Variants in ZCCHC12 observed in about 807,000 individuals in gnomAD.
ZCCHC12 encodes zinc finger CCHC-type containing 12.
For synonymous variants in ZCCHC12, 128 were observed against 123.2 expected (o/e 1.04, Z -0.26); for missense variants, 317 against 323.4 (o/e 0.98, Z 0.15).
Position 118,826,771 on chromosome X carries a change from A to G in ZCCHC12, c.*318A>G. The G allele has an allele frequency of 9.7e-6, 3 of 309,090 alleles. No individual in the cohort carries two copies. In the South Asian group the frequency reaches 1.5e-4, roughly 15 times the overall value. The allele number at this position is 309,090 out of a possible 1,213,427, so 25.5% of individuals were successfully genotyped here. On this transcript the variant is annotated 3_prime_UTR_variant, in exon 4 of 4. Transcript: ENST00000310164. ...ACAATAAAAAAGGTACAAAAAGTGA[A>G]GTACAAATTACCCAAATCTCTCCAC...
Position 118,825,832 on chromosome X carries a change from C to T in ZCCHC12, c.588C>T (p.Leu196=), listed in dbSNP as rs757525974. 8.3e-6 allele frequency: 10 copies of T among 1,209,759 alleles called. No individual in the cohort carries two copies. In the African/African-American group the frequency reaches 1.8e-4, roughly 21 times the overall value. Residue 196 remains leucine (L), a synonymous_variant, in exon 4 of 4, where the codon CTC becomes CTT. Coordinates refer to ENST00000310164, the MANE Select transcript of ZCCHC12 (RefSeq NM_173798.4). ...TCCGACTCAGACTTAAGGATTTTCT[C>T]AGGATGTATGCAAATGAGCAGGAGC... ...RDLRLRLKDF[L]RMYANEQERL...
Position 118,825,211 on chromosome X carries a change from C to A in ZCCHC12, c.-34C>A. The stretch of plus-strand genomic sequence containing the variant: ...AAGCTTTTCTAAAAAGCCTAGGCAT[C>A]TTCTTATATTCAGATACCCTATCGT... On this transcript the variant is annotated 5_prime_UTR_variant, in exon 4 of 4. Coordinates refer to ENST00000310164, the MANE Select transcript of ZCCHC12 (RefSeq NM_173798.4). 1 of 1,211,711 alleles carries A rather than the reference C, an allele frequency of 8.3e-7. No individual in the cohort carries two copies. The highest frequency in any genetic ancestry group is 1.8e-5 in the South Asian group (1 of 56,993).
At position 118,826,129 on chromosome X, in the gene ZCCHC12, CAG is replaced by C. The variant is rs1450733019; in HGVS notation, c.889_890del (p.Asp297GlnfsTer7). On this transcript the variant is annotated frameshift_variant, in exon 4 of 4. Coordinates refer to ENST00000310164, the MANE Select transcript of ZCCHC12 (RefSeq NM_173798.4). LOFTEE classifies it low-confidence loss of function (END_TRUNC). Reference protein sequence around the residue: ...PLPSWGAPPLRDRARPQDEVL... With the variant: ...PLPSWGAPPLXDRARPQDEVL... ...TTCCATCCTGGGGTGCCCCTCCCCT[CAG>C]AGACAGGGCCAGACCTCAGGATGAA... The C allele has an allele frequency of 8.3e-7, 1 of 1,209,592 alleles. No homozygotes were observed. Among genetic ancestry groups the C allele is most frequent in the Non-Finnish European group, 1.1e-6 (1 of 895,110 alleles).
rs967018759 is a variant in ZCCHC12, at chrX:118,826,903, A to G, written c.*450A>G. 1.3e-5 allele frequency: 2 copies of G among 152,871 alleles called. No individual in the cohort carries two copies. Among genetic ancestry groups the G allele is most frequent in the Non-Finnish European group, 2.8e-5 (2 of 72,033 alleles). 12.6% of individuals were successfully genotyped at this position (152,871 alleles called of 1,213,427 possible). On this transcript the variant is annotated 3_prime_UTR_variant, in exon 4 of 4. Coordinates refer to ENST00000310164, the MANE Select transcript of ZCCHC12 (RefSeq NM_173798.4). ...AGTGATGAAATATAAGTGCTGTTCTATCTGTATTTTTTCACCAAACAATAT... is the reference window on the plus strand; with the variant it reads ...AGTGATGAAATATAAGTGCTGTTCTGTCTGTATTTTTTCACCAAACAATAT...
In ZCCHC12 at chrX:118,826,438, C is replaced by T. The variant is rs747650057; in HGVS notation, c.1194C>T (p.Phe398=). The T allele has an allele frequency of 8.3e-6, 10 of 1,208,049 alleles. No homozygotes were observed. In the African/African-American group the frequency reaches 1.8e-4, roughly 21 times the overall value. ...TGGCCCCTGGCGAATACAATGACTT[C>T]TCTGAGCCACTGTAAGGGACCACCC... ...SRVAPGEYND[F]SEPL The change falls in exon 4 of 4, where the codon TTC becomes TTT. Residue 398 remains phenylalanine (F), a synonymous_variant. Transcript: ENST00000310164.
rs191262842 is a variant in ZCCHC12 at position 118,826,664 on chromosome X, C to A, written c.*211C>A. 2.9e-4 allele frequency: 137 copies of A among 472,867 alleles called. No individual in the cohort carries two copies. The highest frequency in any genetic ancestry group is 3.6e-4 in the Non-Finnish European group (98 of 274,548). The allele number at this position is 472,867 out of a possible 1,213,427, so 39.0% of individuals were successfully genotyped here. A position where few individuals can be genotyped will look rare whatever the true frequency, so the allele number is the denominator to read the frequency against. On this transcript the variant is annotated 3_prime_UTR_variant, in exon 4 of 4. Transcript: ENST00000310164. ...CCTTGCTCCTTCTCCCTGCAGCCTA[C>A]GGGTCTGTTTTCTGTGTGTGCCCAT...
chrX:118,826,857 ATAGATATAT>A lies in ZCCHC12; in HGVS notation c.*405_*413del, dbSNP rs1265177238. On this transcript the variant is annotated 3_prime_UTR_variant, in exon 4 of 4. Transcript: ENST00000310164. Reference sequence around the variant, plus strand: ...TATTTCCCTATACCTATGTACCCAGATAGATATATGCATAGATAAAAGTGATGAAATATA... The same window carrying A: ...TATTTCCCTATACCTATGTACCCAGAGCATAGATAAAAGTGATGAAATATA... The A allele has an allele frequency of 9.7e-6, 2 of 205,741 alleles. No individual in the cohort carries two copies. Among genetic ancestry groups the A allele is most frequent in the Non-Finnish European group, 1.9e-5 (2 of 106,555 alleles). 17.0% of individuals were successfully genotyped at this position (205,741 alleles called of 1,213,427 possible).
In ZCCHC12 at chrX:118,825,505, G is replaced by T; in HGVS notation, c.261G>T (p.Met87Ile). The T allele has an allele frequency of 8.3e-7, 1 of 1,212,063 alleles. No homozygotes were observed. Among genetic ancestry groups the T allele is most frequent in the African/African-American group, 1.7e-5 (1 of 57,825 alleles). Residue 87 changes from methionine (M) to isoleucine (I), a missense_variant, in exon 4 of 4, where the codon ATG becomes ATT. By Grantham distance (10) the Met-to-Ile change is conservative (BLOSUM62 1). Coordinates refer to ENST00000310164, the MANE Select transcript of ZCCHC12 (RefSeq NM_173798.4). ...MSEEEKLKRL[M>I]KTLRGPAREV... Reference sequence around the variant, plus strand: ...AGGAGGAAAAGCTCAAGCGCTTGATGAAAACCCTTAGGGGCCCTGCCCGCG... The same window carrying T: ...AGGAGGAAAAGCTCAAGCGCTTGATTAAAACCCTTAGGGGCCCTGCCCGCG...
At position 118,826,223 on chromosome X, in the gene ZCCHC12, T is replaced by C; in HGVS notation, c.979T>C (p.Tyr327His). The C allele has an allele frequency of 8.3e-7, 1 of 1,211,642 alleles. No individual in the cohort carries two copies. Among genetic ancestry groups the C allele is most frequent in the Non-Finnish European group, 1.1e-6 (1 of 895,511 alleles). Reference sequence around the variant, plus strand: ...TCCTTCCACCAGTGGTGGTTCTGGCTATAAGAATAACGGTCCTGGGGAGAT... The same window carrying C: ...TCCTTCCACCAGTGGTGGTTCTGGCCATAAGAATAACGGTCCTGGGGAGAT... ...QFPSTSGGSGYKNNGPGEMRR... is the reference protein window; with the variant it reads ...QFPSTSGGSGHKNNGPGEMRR... The change falls in exon 4 of 4, where the codon TAT (tyrosine) becomes CAT (histidine). Residue 327 changes from tyrosine to histidine, a missense_variant. Physicochemically the swap from Tyr to His is moderately conservative, Grantham distance 83. Transcript: ENST00000310164.
chrX:118,826,018 T>A lies in ZCCHC12; in HGVS notation c.774T>A (p.Ser258Arg), dbSNP rs1222951967. ...FQGSPPIVIG[S>R]ADCNVIEIDD... ...GCTCCCCACCGATAGTGATCGGCAG[T>A]GCTGACTGCAATGTGATAGAGATAG... The change falls in exon 4 of 4, where the codon AGT becomes AGA. Residue 258 changes from serine to arginine, a missense_variant. Transcript: ENST00000310164. The A allele has an allele frequency of 8.3e-7, 1 of 1,209,455 alleles. No individual in the cohort carries two copies. Among genetic ancestry groups the A allele is most frequent in the Non-Finnish European group, 1.1e-6 (1 of 895,074 alleles).
At chrX:118,824,947 G>A (rs867938050) in intron 3 of ZCCHC12, among the ~76,000 whole-genome samples, 184 bp from the exon 4 acceptor site, 2 of 111,836 alleles carry the variant, frequency 1.8e-5, no homozygotes, top group Non-Finnish European at 3.8e-5. Flanking sequence ...GGATGTGGCT[G>A]CAAAAAGCAC....
chrX:118,826,000 A>C lies in ZCCHC12; in HGVS notation c.756A>C (p.Pro252=), dbSNP rs1280850361. ...AVSPVAFQGS[P]PIVIGSADCN... is the part of the protein sequence containing the mutation. ...GCCCTGTGGCATTTCAGGGCTCCCC[A>C]CCGATAGTGATCGGCAGTGCTGACT... The change falls in exon 4 of 4, where the codon CCA becomes CCC. Residue 252 remains proline, a synonymous_variant. Coordinates refer to ENST00000310164, the MANE Select transcript of ZCCHC12 (RefSeq NM_173798.4). 3 of 1,209,573 alleles carry C rather than the reference A, an allele frequency of 2.5e-6. No homozygotes were observed. The African/African-American group carries it at 5.3e-5, about 21-fold the overall frequency.
Position 118,826,569 on chromosome X carries a change from C to A in ZCCHC12, c.*116C>A. 1 of 1,041,327 alleles carries A rather than the reference C, an allele frequency of 9.6e-7. No homozygotes were observed. Among genetic ancestry groups the A allele is most frequent in the East Asian group, 3.1e-5 (1 of 32,047 alleles). 85.8% of individuals were successfully genotyped at this position (1,041,327 alleles called of 1,213,427 possible). A position where few individuals can be genotyped will look rare whatever the true frequency, so the allele number is the denominator to read the frequency against. On this transcript the variant is annotated 3_prime_UTR_variant, in exon 4 of 4. Coordinates refer to ENST00000310164, the MANE Select transcript of ZCCHC12 (RefSeq NM_173798.4). ...CTGCATGAATTAATCCACAAAGCGG[C>A]TATCTTTTGGGGTGGAGTAGAAAGG...
Position 118,825,145 on chromosome X carries a change from G to A in ZCCHC12, c.-100G>A. 1.8e-6 allele frequency: 2 copies of A among 1,122,900 alleles called. No homozygotes were observed. The highest frequency in any genetic ancestry group is 2.4e-6 in the Non-Finnish European group (2 of 818,612). 92.5% of individuals were successfully genotyped at this position (1,122,900 alleles called of 1,213,427 possible). ...CTTTTTTACAGCCCCTGCTGAGATA[G>A]GAAGGCAGAGCCACCTCCTCTCCTC... On this transcript the variant is annotated 5_prime_UTR_variant, in exon 4 of 4. Coordinates refer to ENST00000310164, the MANE Select transcript of ZCCHC12 (RefSeq NM_173798.4).
Position 118,826,872 on chromosome X carries a change from G to T in ZCCHC12, c.*419G>T. 5.7e-6 allele frequency: 1 copy of T among 175,324 alleles called. No individual in the cohort carries two copies. The highest frequency in any genetic ancestry group is 1.5e-4 in the South Asian group (1 of 6,580). 14.4% of individuals were successfully genotyped at this position (175,324 alleles called of 1,213,427 possible). A position where few individuals can be genotyped will look rare whatever the true frequency, so the allele number is the denominator to read the frequency against. On this transcript the variant is annotated 3_prime_UTR_variant, in exon 4 of 4. Coordinates refer to ENST00000310164, the MANE Select transcript of ZCCHC12 (RefSeq NM_173798.4). ...ATGTACCCAGATAGATATATGCATA[G>T]ATAAAAGTGATGAAATATAAGTGCT...
rs2018262589 is a variant in ZCCHC12, at chrX:118,826,797, C to G, written c.*344C>G. The stretch of plus-strand genomic sequence containing the variant: ...GTACAAATTACCCAAATCTCTCCAC[C>G]CTTATATAATCATTGTCAACCCTTT... On this transcript the variant is annotated 3_prime_UTR_variant, in exon 4 of 4. Transcript: ENST00000310164. The G allele has an allele frequency of 1.5e-5, 4 of 265,556 alleles. No individual in the cohort carries two copies. The Admixed American group carries it at 2.4e-4, about 16-fold the overall frequency. The allele number at this position is 265,556 out of a possible 1,213,427, so 21.9% of individuals were successfully genotyped here. A position where few individuals can be genotyped will look rare whatever the true frequency, so the allele number is the denominator to read the frequency against.
Position 118,826,565 on chromosome X carries a change from G to T in ZCCHC12, c.*112G>T, listed in dbSNP as rs759455162. 9 of 1,051,814 alleles carry T rather than the reference G, an allele frequency of 8.6e-6. No homozygotes were observed. In the East Asian group the frequency reaches 2.8e-4, roughly 33 times the overall value. 86.7% of individuals were successfully genotyped at this position (1,051,814 alleles called of 1,213,427 possible). A position where few individuals can be genotyped will look rare whatever the true frequency, so the allele number is the denominator to read the frequency against. On this transcript the variant is annotated 3_prime_UTR_variant, in exon 4 of 4. Transcript: ENST00000310164. ...CTAACTGCATGAATTAATCCACAAA[G>T]CGGCTATCTTTTGGGGTGGAGTAGA...
rs1380301037 is a variant in ZCCHC12 at position 118,824,704 on chromosome X, CAGAGTTCGT to C, written c.-123_-115del. On this transcript the variant is annotated splice_region_variant and 5_prime_UTR_variant, in exon 3 of 4. Coordinates refer to ENST00000310164, the MANE Select transcript of ZCCHC12 (RefSeq NM_173798.4). ...GTGAAATAAAGACGCGCTCTTGTTT[CAGAGTTCGT>C]GTAAGAATCTGAGAAATAACAAGGG... The C allele has an allele frequency of 3.6e-5, 4 of 112,082 alleles. No individual in the cohort carries two copies. Among genetic ancestry groups the C allele is most frequent in the African/African-American group, 1.0e-4 (3 of 30,032 alleles). 9.2% of individuals were successfully genotyped at this position (112,082 alleles called of 1,213,427 possible). A position where few individuals can be genotyped will look rare whatever the true frequency, so the allele number is the denominator to read the frequency against.
At position 118,825,888 on chromosome X, in the gene ZCCHC12, T is replaced by TG. The variant is rs1260638716; in HGVS notation, c.646dup (p.Val216GlyfsTer9). 2.5e-6 allele frequency: 3 copies of TG among 1,211,215 alleles called. No individual in the cohort carries two copies. Among genetic ancestry groups the TG allele is most frequent in the Non-Finnish European group, 3.4e-6 (3 of 895,391 alleles). On this transcript the variant is annotated frameshift_variant, in exon 4 of 4. Coordinates refer to ENST00000310164, the MANE Select transcript of ZCCHC12 (RefSeq NM_173798.4). LOFTEE classifies it low-confidence loss of function (END_TRUNC). ...CCCAACTTTCTGGAGTTAATCAGAA[T>TG]GGTAAGGGAGGAAGAGGATTGGGAT...
Sources: allele counts gnomAD v4.1 joint callset (sites outside exome capture counted in the v4.1 genomes callset), GRCh38; gene constraint gnomAD v4.1.1; transcripts MANE v1.5; gene names NCBI Gene and HGNC (gene_info 2026-07-23, HGNC 2026-07-21).